Variants in PTK2 observed in about 807,000 individuals in gnomAD.
PTK2 encodes the protein focal adhesion kinase 1.
In PTK2, 45 loss-of-function variants were observed where a neutral mutation model predicts 150.1. That is an observed-to-expected ratio of 0.30 (90% CI 0.24 to 0.38). The LOEUF (loss-of-function observed/expected upper bound fraction) is 0.38. Among genes scored for constraint, PTK2 ranks in the 10% least tolerant of loss-of-function variants. The pLI, the probability that PTK2 is intolerant of heterozygous loss-of-function variation, is 1.00. For missense variants in PTK2, 919 were observed against 1,307.3 expected, an observed-to-expected ratio of 0.70 and a Z score of 4.58; for synonymous variants, 432 against 449.2, an observed-to-expected ratio of 0.96 and a Z score of 0.48.
At chr8:140,942,681 A>G (rs2100176280) in intron 1 of PTK2, among the ~76,000 whole-genome samples, 1 of 152,174 alleles carries the variant, frequency 6.6e-6, no homozygotes, top group Admixed American at 6.5e-5. Flanking sequence ...TATGGATAAT[A>G]TCTGTTTGCA....
At chr8:140,921,118 T>A (rs1236413422) in intron 2 of PTK2, 1 of 1,281,912 alleles carries the variant, frequency 7.8e-7, no homozygotes, top group Admixed American at 4.0e-5. Context: ...CAGAATCTTC[T>A]CATGCTTCCG....
Position 140,772,289 on chromosome 8 carries a change from T to C in PTK2, c.1178-7999A>G, listed in dbSNP as rs571119793. Among the ~76,000 whole-genome samples, 277 of 152,118 alleles carry C rather than the reference T, an allele frequency of 1.8e-3. 2 individuals are homozygous for C. The highest frequency in any genetic ancestry group is 2.7e-3 in the Non-Finnish European group (187 of 68,006). On this transcript the variant is annotated intron_variant, in intron 14 of 31. Transcript: ENST00000522684. ...CAAAAAAATTCAAAAATTAGCCAGG[T>C]GTGGAGTCACGTACCCGTGGGCCCA...
At chr8:140,694,036 T>A (rs994712814) in intron 26 of PTK2, among the ~76,000 whole-genome samples, 4 of 150,180 alleles carry the variant, frequency 2.7e-5, no homozygotes, top group South Asian at 4.2e-4. Flanking sequence ...TTTTTTCTTT[T>A]CTTTTCTTTT....
chr8:140,694,042 CTTTT>C (rs797013196), intron 26 of PTK2, among the ~76,000 whole-genome samples: 2 of 136,970 alleles, frequency 1.5e-5, no homozygotes, highest in Admixed American at 7.4e-5. Flanking sequence ...CTTTTCTTTT[CTTTT>C]TTTTTTTTTT....
At chr8:140,723,618 T>C (rs1352246203) in intron 22 of PTK2, among the ~76,000 whole-genome samples, 1 of 152,212 alleles carries the variant, frequency 6.6e-6, no homozygotes, top group Admixed American at 6.5e-5. Context: ...ATATTTTTAG[T>C]AGCAATACAT....
At chr8:140,933,244 G>A (rs1212431857) in intron 1 of PTK2, among the ~76,000 whole-genome samples, 1 of 150,298 alleles carries the variant, frequency 6.7e-6, no homozygotes, top group African/African-American at 2.4e-5. Flanking sequence ...GCAACAGCTG[G>A]CAATAGAAGA....
At chr8:140,796,738 T>C (rs1442297207) in intron 12 of PTK2, among the ~76,000 whole-genome samples, 1 of 152,160 alleles carries the variant, frequency 6.6e-6, no homozygotes, top group Admixed American at 6.5e-5. Context: ...ACTCACTACC[T>C]AAAATGTCTA....
intron 1 of PTK2, among the ~76,000 whole-genome samples, chr8:140,958,496 G>A (rs1314160836): frequency 6.6e-6 from 1 of 152,024 alleles, no homozygotes; most frequent in Admixed American, 6.6e-5. Flanking sequence ...ATAACTCATC[G>A]ATTTTTCTTT....
chr8:140,939,187 T>C (rs1297391673), intron 1 of PTK2, among the ~76,000 whole-genome samples: 1 of 152,216 alleles, frequency 6.6e-6, no homozygotes, highest in Non-Finnish European at 1.5e-5. Context: ...AATAAAAGTA[T>C]ATCCTAACCT....
At chr8:140,991,033 G>A (rs2100195524) in intron 1 of PTK2, among the ~76,000 whole-genome samples, 1 of 152,174 alleles carries the variant, frequency 6.6e-6, no homozygotes, top group Non-Finnish European at 1.5e-5. Flanking sequence ...ACAACATTCT[G>A]TCTGCCAAGT....
intron 10 of PTK2, among the ~76,000 whole-genome samples, chr8:140,812,672 AAAGG>A (rs2154601230): frequency 6.6e-6 from 1 of 152,348 alleles, no homozygotes; most frequent in South Asian, 2.1e-4. Context: ...GGCTCAAAAT[AAAGG>A]AATGGAGAAA....
intron 1 of PTK2, among the ~76,000 whole-genome samples, chr8:140,981,373 G>C (rs2100191362): frequency 6.6e-6 from 1 of 152,190 alleles, no homozygotes; most frequent in South Asian, 2.1e-4. Context: ...GCACCGGTGT[G>C]AGGGGTGGGA....
intron 7 of PTK2, among the ~76,000 whole-genome samples, chr8:140,832,428 T>C (rs1291973188): frequency 6.6e-6 from 1 of 152,210 alleles, no homozygotes; most frequent in Non-Finnish European, 1.5e-5. Flanking sequence ...AACCTCCGGT[T>C]ACTTGTAAAG....
chr8:140,701,679 C>G (rs752557751), intron 25 of PTK2, among the ~76,000 whole-genome samples: 14 of 152,202 alleles, frequency 9.2e-5, no homozygotes, highest in Non-Finnish European at 2.1e-4. Flanking sequence ...TCGTTGGCCT[C>G]ATGTACATGC....
intron 2 of PTK2, chr8:140,920,685 T>C: frequency 1.1e-6 from 1 of 938,244 alleles, no homozygotes; most frequent in Non-Finnish European, 1.5e-6. Flanking sequence ...CCATACCAAA[T>C]CTATTTCCAT....
intron 10 of PTK2, among the ~76,000 whole-genome samples, chr8:140,806,102 C>T (rs4275261): frequency 6.6e-6 from 1 of 152,162 alleles, no homozygotes; most frequent in East Asian, 1.9e-4. Flanking sequence ...AAAAATTGTC[C>T]TGCATCCTCG....
intron 1 of PTK2, among the ~76,000 whole-genome samples, chr8:140,997,765 C>G (rs147061148): frequency 2.0e-5 from 3 of 152,214 alleles, no homozygotes; most frequent in Non-Finnish European, 2.9e-5. Flanking sequence ...ATAGGGAGAC[C>G]CCATCTCTAC....
At chr8:140,966,770 C>T (rs1393902111) in intron 1 of PTK2, among the ~76,000 whole-genome samples, 1 of 152,134 alleles carries the variant, frequency 6.6e-6, no homozygotes, top group African/African-American at 2.4e-5. Context: ...TATTCCCTAC[C>T]CTTTGTGCAT....
intron 1 of PTK2, among the ~76,000 whole-genome samples, chr8:140,972,597 G>A (rs996906901): frequency 3.9e-5 from 6 of 152,074 alleles, no homozygotes; most frequent in South Asian, 2.1e-4. Flanking sequence ...GAATTCAGTC[G>A]ATGAAAATTT....
Sources: allele counts gnomAD v4.1 joint callset (sites outside exome capture counted in the v4.1 genomes callset), GRCh38; gene constraint gnomAD v4.1.1; transcripts MANE v1.5; gene names NCBI Gene and HGNC (gene_info 2026-07-23, HGNC 2026-07-21).